VOPP1: variants seen among roughly 807,000 people sequenced by gnomAD.
VOPP1 encodes the protein WW domain binding protein VOPP1.
In VOPP1, 8 loss-of-function variants were observed where a neutral mutation model predicts 23.5. That is an observed-to-expected ratio of 0.34 (90% CI 0.20 to 0.61). The LOEUF (loss-of-function observed/expected upper bound fraction) is 0.61. Among genes scored for constraint, VOPP1 ranks in the 20% least tolerant of loss-of-function variants. The probability of loss-of-function intolerance (pLI) is 0.78; values close to 1 mark genes in which losing one functional copy is unlikely to be tolerated. For synonymous variants in VOPP1, 83 were observed against 97.3 expected (o/e 0.85, Z 0.86); for missense variants, 174 against 238.1 (o/e 0.73, Z 1.77).
chr7:55,539,186 A>G (rs1796994414), intron 1 of VOPP1, among the ~76,000 whole-genome samples: 1 of 152,078 alleles, frequency 6.6e-6, no homozygotes, highest in Admixed American at 6.5e-5. Flanking sequence ...CTCCACTAAA[A>G]ATACAAAAAT....
At chr7:55,528,769 A>G (rs528003502) in intron 1 of VOPP1, among the ~76,000 whole-genome samples, 34 of 152,284 alleles carry the variant, frequency 2.2e-4, no homozygotes, top group African/African-American at 7.2e-4. Flanking sequence ...TGAAATAAAA[A>G]TAATAAAGTT....
At chr7:55,557,886 C>T (rs567632046) in intron 1 of VOPP1, among the ~76,000 whole-genome samples, 3 of 152,290 alleles carry the variant, frequency 2.0e-5, no homozygotes, top group African/African-American at 7.2e-5. Flanking sequence ...CCTAACCATG[C>T]CAGATAATGA....
chr7:55,540,398 A>AAAATAAATAAATAAAT (rs200219554), intron 1 of VOPP1, among the ~76,000 whole-genome samples: 44 of 141,800 alleles, frequency 3.1e-4, no homozygotes, highest in Non-Finnish European at 4.1e-4. Context: ...CTCTGTCTCA[A>AAAATAAATAAATAAAT]AAATAAATAA....
chr7:55,443,691 C>T (rs1372270929), intron 4 of VOPP1, among the ~76,000 whole-genome samples: 1 of 142,758 alleles, frequency 7.0e-6, no homozygotes, highest in Non-Finnish European at 1.5e-5. Flanking sequence ...ATCACCCAGG[C>T]TGGAGTGCAA....
At chr7:55,546,150 TACTCACTAAGC>T (rs1486262872) in intron 1 of VOPP1, among the ~76,000 whole-genome samples, 1 of 152,206 alleles carries the variant, frequency 6.6e-6, no homozygotes, top group African/African-American at 2.4e-5. Context: ...AGCTCACAGA[TACTCACTAAGC>T]ACTCCACAGC....
intron 1 of VOPP1, among the ~76,000 whole-genome samples, chr7:55,558,294 G>A (rs181650800): frequency 1.3e-5 from 2 of 152,026 alleles, no homozygotes; most frequent in Admixed American, 1.3e-4. Flanking sequence ...GGTTTCATAG[G>A]TGCATGCTTA....
chr7:55,503,938 T>C (rs779912127), intron 2 of VOPP1, among the ~76,000 whole-genome samples: 7 of 152,216 alleles, frequency 4.6e-5, no homozygotes, highest in Admixed American at 3.9e-4. Context: ...TAGCAGTAAT[T>C]GTATTTAAAA....
At chr7:55,538,422 G>A (rs977798633) in intron 1 of VOPP1, among the ~76,000 whole-genome samples, 2 of 152,082 alleles carry the variant, frequency 1.3e-5, no homozygotes, top group East Asian at 1.9e-4. Flanking sequence ...ACAATGTTTC[G>A]TTCTTTGCTA....
chr7:55,475,096 T>G (rs1341209842), intron 4 of VOPP1, among the ~76,000 whole-genome samples: 66 of 151,914 alleles, frequency 4.3e-4, no homozygotes, highest in African/African-American at 1.4e-3. Context: ...AGGGGACGGG[T>G]GGCAGCTGGA....
intron 2 of VOPP1, among the ~76,000 whole-genome samples, chr7:55,518,504 G>A (rs1795622540): frequency 6.6e-6 from 1 of 152,216 alleles, no homozygotes; most frequent in Admixed American, 6.5e-5. Flanking sequence ...GGTGTTGTCA[G>A]CATTCTCTCA....
In VOPP1 at chr7:55,510,570, CTT is replaced by C. The variant is rs34545604; in HGVS notation, c.113+10500_113+10501del. Among the ~76,000 whole-genome samples, 39 of 119,770 alleles carry C rather than the reference CTT, an allele frequency of 3.3e-4. No homozygotes were observed. The East Asian group carries it at 3.8e-3, about 12-fold the overall frequency. The allele number at this position is 119,770 out of a possible 152,430, so 78.6% of individuals were successfully genotyped here. A position where few individuals can be genotyped will look rare whatever the true frequency, so the allele number is the denominator to read the frequency against. Reference sequence around the variant, plus strand: ...CCCAGACTTTATATAAGGGCACTGGCTTTTTTTTTTTTTTTTTTTTAGCTTTT... The same window carrying C: ...CCCAGACTTTATATAAGGGCACTGGCTTTTTTTTTTTTTTTTTTAGCTTTT... On this transcript the variant is annotated intron_variant, in intron 2 of 4. Transcript: ENST00000285279.
intron 1 of VOPP1, chr7:55,562,099 G>C (rs751381213): frequency 4.3e-6 from 3 of 702,306 alleles, no homozygotes; most frequent in African/African-American, 1.7e-5. Flanking sequence ...GTAATTGTTC[G>C]AAACTCCCTA....
chr7:55,451,655 C>A (rs747426651), intron 4 of VOPP1, among the ~76,000 whole-genome samples: 5 of 151,990 alleles, frequency 3.3e-5, no homozygotes, highest in Non-Finnish European at 5.9e-5. Flanking sequence ...GCTGGGCGTG[C>A]TGGCGGGTGC....
At chr7:55,442,250 T>A (rs529580471) in intron 4 of VOPP1, among the ~76,000 whole-genome samples, 52 of 152,186 alleles carry the variant, frequency 3.4e-4, no homozygotes, top group African/African-American at 1.2e-3. Context: ...GACCTTAATT[T>A]ATGAGAGTGG....
chr7:55,512,669 C>T (rs1795154195), intron 2 of VOPP1, among the ~76,000 whole-genome samples: 1 of 152,248 alleles, frequency 6.6e-6, no homozygotes, highest in Non-Finnish European at 1.5e-5. Context: ...TAGTGAGGGT[C>T]TGCAGCAGGC....
At chr7:55,493,837 T>C (rs1044888126) in intron 3 of VOPP1, among the ~76,000 whole-genome samples, 2 of 152,182 alleles carry the variant, frequency 1.3e-5, no homozygotes, top group South Asian at 2.1e-4. Flanking sequence ...TTGGGTAAAA[T>C]ATACATAAAT....
chr7:55,550,838 T>A (rs1797576374), intron 1 of VOPP1, among the ~76,000 whole-genome samples: 1 of 152,234 alleles, frequency 6.6e-6, no homozygotes, highest in Non-Finnish European at 1.5e-5. Flanking sequence ...TGTATATTTT[T>A]CTACTTTCCA....
At chr7:55,565,929 C>T (rs1798149711) in intron 1 of VOPP1, among the ~76,000 whole-genome samples, 2 of 152,178 alleles carry the variant, frequency 1.3e-5, no homozygotes, top group African/African-American at 4.8e-5. Context: ...CCACAAGAAA[C>T]ACTGGATTCA....
intron 1 of VOPP1, among the ~76,000 whole-genome samples, chr7:55,544,890 G>A (rs1471517513): frequency 3.9e-5 from 6 of 152,206 alleles, no homozygotes; most frequent in African/African-American, 1.4e-4. Context: ...AAATAATGAT[G>A]ATACTAAATG....
Sources: gnomAD v4.1 joint callset for allele counts (sites outside exome capture counted in the v4.1 genomes callset) on GRCh38, gnomAD v4.1.1 for gene constraint, MANE v1.5 for transcripts, NCBI Gene and HGNC (gene_info 2026-07-23, HGNC 2026-07-21) for gene names.